KHK: variants seen among roughly 807,000 people sequenced by gnomAD.
KHK encodes the protein ketohexokinase, also known as fructokinase.
KHK carries 37 observed loss-of-function variants against 36.0 expected under a neutral mutation model. The ratio of observed to expected loss-of-function variants is 1.03; its 90% CI spans 0.79 to 1.35. KHK has a LOEUF of 1.35. Ranked by LOEUF, KHK falls within the 40% of genes most tolerant of loss-of-function variation. The pLI, the probability that KHK is intolerant of heterozygous loss-of-function variation, is 0.00. For synonymous variants in KHK, 161 were observed against 162.8 expected (o/e 0.99, Z 0.08); for missense variants, 395 against 391.9 (o/e 1.01, Z -0.07).
intron 2 of KHK, chr2:27,094,410 CA>C: frequency 6.2e-7 from 1 of 1,600,404 alleles, no homozygotes; most frequent in Non-Finnish European, 8.5e-7. Context: ...GTGGCCCTGC[CA>C]GCTACCCTCC....
In KHK at chr2:27,095,027, C is replaced by G. The variant is rs1572868770; in HGVS notation, c.344+93C>G. The G allele has an allele frequency of 4.2e-6, 6 of 1,423,614 alleles. 1 individual carries two copies. The highest frequency in any genetic ancestry group is 2.3e-5 in the South Asian group (2 of 87,276). The allele number at this position is 1,423,614 out of a possible 1,614,324, so 88.2% of individuals were successfully genotyped here. A position where few individuals can be genotyped will look rare whatever the true frequency, so the allele number is the denominator to read the frequency against. On this transcript the variant is annotated intron_variant, in intron 3 of 7. Transcript: ENST00000260598. ...CCACCATGGGCATCCCAACTGCCCC[C>G]CTCTGTGGCTTCTGTGTACCAGAAG...
At chr2:27,098,356 T>C (rs10185736) in intron 5 of KHK, among the ~76,000 whole-genome samples, 56,159 of 151,482 alleles carry the variant, frequency 0.37, 10,764 homozygotes, top group Admixed American at 0.51. Flanking sequence ...CCCCTGTCTC[T>C]ATGAAAATAA....
Position 27,100,190 on chromosome 2 carries a change from G to T in KHK, c.*440G>T. On this transcript the variant is annotated 3_prime_UTR_variant, in exon 8 of 8. Transcript: ENST00000260598. ...CCCCACACCCAGTGAACCTGCCAAA[G>T]AAACCGTGAGAGCTCTTCGGGGCCC... 1 of 446,854 alleles carries T rather than the reference G, an allele frequency of 2.2e-6. No individual in the cohort carries two copies. The highest frequency in any genetic ancestry group is 4.1e-6 in the Non-Finnish European group (1 of 241,624). 27.7% of individuals were successfully genotyped at this position (446,854 alleles called of 1,614,324 possible).
At chr2:27,088,198 C>T (rs1669780653) in intron 1 of KHK, among the ~76,000 whole-genome samples, 1 of 148,130 alleles carries the variant, frequency 6.8e-6, no homozygotes, top group Admixed American at 6.8e-5. Context: ...GCCTTGACCT[C>T]CAGACTCAAG....
chr2:27,088,971 G>T (rs1020579966), intron 1 of KHK, among the ~76,000 whole-genome samples: 1 of 152,254 alleles, frequency 6.6e-6, no homozygotes, highest in African/African-American at 2.4e-5. Context: ...GAGAGACCCC[G>T]ACACTCCTCA....
rs1358750604 is a variant in KHK, at chr2:27,099,966, G to T, written c.*216G>T. On this transcript the variant is annotated 3_prime_UTR_variant, in exon 8 of 8. Transcript: ENST00000260598. ...TCAGAGCAAATAAATCTTCCTCAGA[G>T]CCAGCTTCTCCTCTCAATGTCTGAA... 5.4e-5 allele frequency: 56 copies of T among 1,027,542 alleles called. No individual in the cohort carries two copies. Among genetic ancestry groups the T allele is most frequent in the Non-Finnish European group, 7.9e-5 (54 of 680,020 alleles). The allele number at this position is 1,027,542 out of a possible 1,614,324, so 63.7% of individuals were successfully genotyped here.
rs776433978 is a variant in KHK, at chr2:27,099,677, A to C, written c.824A>C (p.Gln275Pro). 1.7e-5 allele frequency: 28 copies of C among 1,614,146 alleles called. No homozygotes were observed. The highest frequency in any genetic ancestry group is 2.4e-5 in the Non-Finnish European group (28 of 1,180,016). Residue 275 changes from glutamine (Q) to proline (P), a missense_variant, in exon 8 of 8, where the codon CAG becomes CCG. Transcript: ENST00000260598. ...GCCCCTCCTCCAGGGAGGAGCGTGCAGGAAGCACTGAGATTCGGGTGCCAG... is the reference window on the plus strand; with the variant it reads ...GCCCCTCCTCCAGGGAGGAGCGTGCCGGAAGCACTGAGATTCGGGTGCCAG... ...IFSLSQGRSV[Q>P]EALRFGCQVA...
chr2:27,088,256 G>A (rs1360679761), intron 1 of KHK, among the ~76,000 whole-genome samples: 11 of 151,742 alleles, frequency 7.2e-5, no homozygotes, highest in Non-Finnish European at 1.0e-4. Flanking sequence ...ACACATGCAC[G>A]TCACCATCCC....
chr2:27,100,359 A>C lies in KHK; in HGVS notation c.*609A>C, dbSNP rs1007007511. The stretch of plus-strand genomic sequence containing the variant: ...ATTTGATGGGGTCTTCATTGTCCAG[A>C]AATACCTCCTCCCGCTGACTGCCCC... On this transcript the variant is annotated 3_prime_UTR_variant, in exon 8 of 8. Transcript: ENST00000260598. The C allele has an allele frequency of 2.3e-5, 26 of 1,153,980 alleles. No individual in the cohort carries two copies. In the Admixed American group the frequency reaches 2.8e-4, roughly 12 times the overall value. 71.5% of individuals were successfully genotyped at this position (1,153,980 alleles called of 1,614,324 possible). A position where few individuals can be genotyped will look rare whatever the true frequency, so the allele number is the denominator to read the frequency against.
chr2:27,099,625 C>T (rs2148371688), intron 7 of KHK, 40 bp from the exon 8 acceptor site: 1 of 1,614,134 alleles, frequency 6.2e-7, no homozygotes, highest in African/African-American at 1.3e-5. Flanking sequence ...TGTCCCTGCC[C>T]CAAACACCTG....
intron 3 of KHK, 35 bp downstream of exon 3, chr2:27,094,969 C>T (rs755067073): frequency 1.2e-6 from 2 of 1,612,614 alleles, no homozygotes; most frequent in South Asian, 2.2e-5. Flanking sequence ...CTACAACCCA[C>T]CAATCAGTTG....
At position 27,100,370 on chromosome 2, in the gene KHK, C is replaced by G; in HGVS notation, c.*620C>G. 8.3e-7 allele frequency: 1 copy of G among 1,207,848 alleles called. No homozygotes were observed. Among genetic ancestry groups the G allele is most frequent in the African/African-American group, 1.6e-5 (1 of 64,292 alleles). 74.8% of individuals were successfully genotyped at this position (1,207,848 alleles called of 1,614,324 possible). On this transcript the variant is annotated 3_prime_UTR_variant, in exon 8 of 8. Coordinates refer to ENST00000260598, the MANE Select transcript of KHK (RefSeq NM_006488.3). ...TCTTCATTGTCCAGAAATACCTCCT[C>G]CCGCTGACTGCCCCAGAGCCTGAAA...
chr2:27,090,452 C>CTTTTTTTTTTTTT (rs559420015), intron 1 of KHK, among the ~76,000 whole-genome samples: 40 of 110,114 alleles, frequency 3.6e-4, no homozygotes, highest in Non-Finnish European at 4.6e-4. Flanking sequence ...TTTTTTCTTT[C>CTTTTTTTTTTTTT]TTTTTTTTTT....
intron 1 of KHK, among the ~76,000 whole-genome samples, 168 bp downstream of exon 1, chr2:27,087,519 A>C (rs1669731835): frequency 6.6e-6 from 1 of 152,246 alleles, no homozygotes; most frequent in Admixed American, 6.5e-5. Context: ...AGCATGACAG[A>C]AGAGAGGAAG....
chr2:27,095,027 C>A (rs1572868770), intron 3 of KHK, 93 bp downstream of exon 3: 3 of 1,423,496 alleles, frequency 2.1e-6, no homozygotes, highest in Admixed American at 1.7e-5. Context: ...CAACTGCCCC[C>A]CTCTGTGGCT....
chr2:27,097,782 T>C, intron 5 of KHK, 133 bp downstream of exon 5: 3 of 1,324,856 alleles, frequency 2.3e-6, no homozygotes, highest in Non-Finnish European at 3.2e-6. Flanking sequence ...AGATGGGGGA[T>C]GGGGGTTAAA....
At chr2:27,087,480 C>T (rs1669727545) in intron 1 of KHK, 129 bp downstream of exon 1, 2 of 643,686 alleles carry the variant, frequency 3.1e-6, no homozygotes, top group Non-Finnish European at 5.3e-6. Context: ...GACCCGCGCC[C>T]TCTACCCGGG....
chr2:27,088,419 CT>C (rs746852971), intron 1 of KHK, among the ~76,000 whole-genome samples: 3 of 150,696 alleles, frequency 2.0e-5, no homozygotes, highest in Admixed American at 6.6e-5. Context: ...TTTGTTGGTT[CT>C]TTTTCTTTTT....
chr2:27,093,551 G>A (rs1330102924), intron 2 of KHK, among the ~76,000 whole-genome samples: 1 of 152,208 alleles, frequency 6.6e-6, no homozygotes, highest in Non-Finnish European at 1.5e-5. Flanking sequence ...CAATGCTTTG[G>A]GAAAGTTACT....
Sources: gnomAD v4.1 joint callset for allele counts (sites outside exome capture counted in the v4.1 genomes callset) on GRCh38, gnomAD v4.1.1 for gene constraint, MANE v1.5 for transcripts, NCBI Gene and HGNC (gene_info 2026-07-23, HGNC 2026-07-21) for gene names.